Variants in DACH1 observed in about 807,000 individuals in gnomAD.
The protein encoded by DACH1 is dachshund homolog 1.
A neutral mutation model predicts 54.2 loss-of-function variants in DACH1; 12 were observed. That is an observed-to-expected ratio of 0.22 (90% CI 0.14 to 0.36). The LOEUF (loss-of-function observed/expected upper bound fraction) is 0.36, where lower values mean the gene tolerates loss of function less well. Among genes scored for constraint, DACH1 ranks in the 10% least tolerant of loss-of-function variants. DACH1 has a pLI of 1.00. For missense variants in DACH1, 805 were observed against 929.8 expected, an observed-to-expected ratio of 0.87 and a Z score of 1.75; for synonymous variants, 386 against 366.2, an observed-to-expected ratio of 1.05 and a Z score of -0.62.
intron 2 of DACH1, among the ~76,000 whole-genome samples, chr13:71,636,780 T>C (rs908292230): frequency 4.6e-5 from 7 of 152,008 alleles, no homozygotes; most frequent in African/African-American, 1.4e-4. Flanking sequence ...TTCTTTTTCT[T>C]TCCTATTGAA....
At chr13:71,503,122 A>G (rs1236182717) in intron 6 of DACH1, among the ~76,000 whole-genome samples, 1 of 152,168 alleles carries the variant, frequency 6.6e-6, no homozygotes, top group African/African-American at 2.4e-5. Context: ...ACCTAGAACC[A>G]CTTCATTTTT....
intron 2 of DACH1, among the ~76,000 whole-genome samples, chr13:71,630,956 C>G (rs1168688139): frequency 6.6e-6 from 1 of 152,092 alleles, no homozygotes; most frequent in Non-Finnish European, 1.5e-5. Flanking sequence ...AGGTAGAAGG[C>G]TAATAGTGGA....
At chr13:71,679,030 C>A (rs1303700392) in intron 2 of DACH1, among the ~76,000 whole-genome samples, 1 of 152,048 alleles carries the variant, frequency 6.6e-6, no homozygotes, top group Non-Finnish European at 1.5e-5. Flanking sequence ...TAGAACATGG[C>A]TGTTTAAGGT....
At chr13:71,451,657 A>C (rs947910097) in intron 10 of DACH1, among the ~76,000 whole-genome samples, 19 of 152,322 alleles carry the variant, frequency 1.2e-4, no homozygotes, top group Admixed American at 4.6e-4. Flanking sequence ...CAATTTTATA[A>C]ATTATTTTTA....
At chr13:71,850,493 T>C (rs1873586160) in intron 1 of DACH1, among the ~76,000 whole-genome samples, 1 of 152,102 alleles carries the variant, frequency 6.6e-6, no homozygotes, top group Non-Finnish European at 1.5e-5. Flanking sequence ...TTCTATACCT[T>C]ATCCCTCTCT....
At chr13:71,738,731 CAAAAAAAAAAAAAAA>C (rs34856567) in intron 1 of DACH1, among the ~76,000 whole-genome samples, 304 of 24,082 alleles carry the variant, frequency 0.013, 9 homozygotes, top group African/African-American at 0.025. Context: ...GACTCTGTCT[CAAAAAAAAAAAAAAA>C]AAAAAAAAAA....
chr13:71,475,591 T>C (rs888701053), intron 9 of DACH1, 115 bp downstream of exon 9: 15 of 1,259,224 alleles, frequency 1.2e-5, no homozygotes, highest in Non-Finnish European at 1.5e-5. Flanking sequence ...CAGCTTCAAG[T>C]ATAGCTGAAT....
At chr13:71,780,202 G>C (rs1886314731) in intron 1 of DACH1, among the ~76,000 whole-genome samples, 1 of 152,106 alleles carries the variant, frequency 6.6e-6, no homozygotes, top group African/African-American at 2.4e-5. Context: ...AGATAAAAAA[G>C]CATACACAAA....
intron 3 of DACH1, among the ~76,000 whole-genome samples, chr13:71,624,664 T>A (rs75928852): frequency 0.058 from 8,861 of 152,030 alleles, 318 homozygotes; most frequent in Middle Eastern, 0.12. Flanking sequence ...ATAGCAAATT[T>A]CTTGTGAATC....
chr13:71,838,712 A>G (rs1888897411), intron 1 of DACH1, among the ~76,000 whole-genome samples: 1 of 152,164 alleles, frequency 6.6e-6, no homozygotes, highest in Admixed American at 6.5e-5. Context: ...CAATGGTATC[A>G]TGATTTTCAT....
chr13:71,700,636 T>C (rs1167846266), intron 1 of DACH1, among the ~76,000 whole-genome samples: 1 of 148,450 alleles, frequency 6.7e-6, no homozygotes, highest in South Asian at 2.1e-4. Context: ...GCAGTCCTAA[T>C]GAACATAGTT....
At chr13:71,782,495 A>C (rs1336261278) in intron 1 of DACH1, among the ~76,000 whole-genome samples, 1 of 152,116 alleles carries the variant, frequency 6.6e-6, no homozygotes, top group Non-Finnish European at 1.5e-5. Context: ...AAATAAACTG[A>C]AAAAGAAATG....
chr13:71,823,753 G>A (rs367655123), intron 1 of DACH1, among the ~76,000 whole-genome samples: 61 of 151,830 alleles, frequency 4.0e-4, no homozygotes, highest in African/African-American at 1.4e-3. Flanking sequence ...TGACAACCTC[G>A]TTATAAGATA....
chr13:71,764,233 C>G (rs1014908156), intron 1 of DACH1, among the ~76,000 whole-genome samples: 3 of 152,028 alleles, frequency 2.0e-5, no homozygotes, highest in Non-Finnish European at 4.4e-5. Context: ...CAATCATACT[C>G]AAAGAAATAC....
At chr13:71,762,593 C>T (rs936609574) in intron 1 of DACH1, among the ~76,000 whole-genome samples, 2 of 151,416 alleles carry the variant, frequency 1.3e-5, no homozygotes, top group Non-Finnish European at 2.9e-5. Context: ...ATGGAGAAAC[C>T]CCGTCTCTAT....
At chr13:71,597,516 GA>G (rs1413241781) in intron 3 of DACH1, among the ~76,000 whole-genome samples, 1 of 152,072 alleles carries the variant, frequency 6.6e-6, no homozygotes, top group Non-Finnish European at 1.5e-5. Flanking sequence ...AACATTGTTG[GA>G]AAAGTCCTCT....
intron 2 of DACH1, among the ~76,000 whole-genome samples, chr13:71,632,898 T>C (rs1877214322): frequency 6.6e-6 from 1 of 152,208 alleles, no homozygotes; most frequent in Non-Finnish European, 1.5e-5. Context: ...CCCCAATTAC[T>C]CATTTCCTTC....
intron 3 of DACH1, among the ~76,000 whole-genome samples, chr13:71,577,105 C>G (rs183044746): frequency 6.6e-6 from 1 of 152,074 alleles, no homozygotes; most frequent in Admixed American, 6.6e-5. Context: ...GCTTCATGAT[C>G]GTCTAAGCTC....
intron 1 of DACH1, among the ~76,000 whole-genome samples, chr13:71,778,622 A>G (rs941185920): frequency 1.3e-5 from 2 of 152,100 alleles, no homozygotes; most frequent in African/African-American, 4.8e-5. Context: ...AAATTCTTAT[A>G]ATGAAAGTAA....
Sources: allele counts gnomAD v4.1 joint callset (sites outside exome capture counted in the v4.1 genomes callset), GRCh38; gene constraint gnomAD v4.1.1; transcripts MANE v1.5; gene names NCBI Gene and HGNC (gene_info 2026-07-23, HGNC 2026-07-21).